The following GRAP2 variants were observed in gnomAD, a reference collection of about 807,000 sequenced individuals.
GRAP2 encodes the protein GRB2-related adapter protein 2.
In GRAP2, 31 loss-of-function variants were observed where a neutral mutation model predicts 43.5. The observed-to-expected ratio is 0.71, with a 90% CI of 0.54 to 0.96. The LOEUF is 0.96. Among genes scored for constraint, GRAP2 ranks in the 40% least tolerant of loss-of-function variants. The pLI, the probability that GRAP2 is intolerant of heterozygous loss-of-function variation, is 0.00. For synonymous variants in GRAP2, 156 were observed against 164.8 expected, an observed-to-expected ratio of 0.95 and a Z score of 0.41; for missense variants, 371 against 424.4, an observed-to-expected ratio of 0.87 and a Z score of 1.11.
At chr22:39,949,938 T>C (rs913686431) in intron 2 of GRAP2, among the ~76,000 whole-genome samples, 3 of 152,308 alleles carry the variant, frequency 2.0e-5, no homozygotes, top group African/African-American at 7.2e-5. Context: ...GATCATATCA[T>C]TTCCTTGCTC....
At chr22:39,949,128 GC>G (rs1193658651) in intron 2 of GRAP2, among the ~76,000 whole-genome samples, 1 of 152,054 alleles carries the variant, frequency 6.6e-6, no homozygotes, top group African/African-American at 2.4e-5. Context: ...AACTCAGGAT[GC>G]CGAGAATCAC....
chr22:39,926,936 TGGCTC>T, intron 1 of GRAP2: 1 of 755,908 alleles, frequency 1.3e-6, no homozygotes, highest in Non-Finnish European at 1.6e-6. Flanking sequence ...ACCCACTGCC[TGGCTC>T]CAGCCTGGAT....
upstream of GRAP2, among the ~76,000 whole-genome samples, chr22:39,899,887 G>C (rs961254256): frequency 6.6e-6 from 1 of 152,054 alleles, no homozygotes. Context: ...TTGGGAGGCT[G>C]AAGCAAGAGA....
At chr22:39,898,900 T>C (rs946483712), upstream of GRAP2, among the ~76,000 whole-genome samples, 1 of 152,192 alleles carries the variant, frequency 6.6e-6, no homozygotes, top group Non-Finnish European at 1.5e-5. Flanking sequence ...TTAAAAAAAT[T>C]TTAAACAAAG....
intron 1 of GRAP2, among the ~76,000 whole-genome samples, chr22:39,907,979 G>A (rs981801608): frequency 1.3e-5 from 2 of 152,178 alleles, no homozygotes; most frequent in African/African-American, 4.8e-5. Flanking sequence ...ACAGGATTCT[G>A]GAGATGCAGG....
intron 1 of GRAP2, among the ~76,000 whole-genome samples, chr22:39,944,010 G>A (rs1010944108): frequency 6.6e-6 from 1 of 152,082 alleles, no homozygotes; most frequent in East Asian, 1.9e-4. Flanking sequence ...TGGCCGAGGG[G>A]TCTCTCTTTT....
At chr22:39,901,397 T>C (rs1041512985) in intron 1 of GRAP2, 67 bp downstream of exon 1, 2 of 527,734 alleles carry the variant, frequency 3.8e-6, no homozygotes, top group African/African-American at 2.0e-5. Flanking sequence ...ATTTGCAGAA[T>C]GTTCTGTATG....
chr22:39,945,535 A>G (rs1031691867), intron 1 of GRAP2, among the ~76,000 whole-genome samples: 3 of 152,140 alleles, frequency 2.0e-5, no homozygotes, highest in South Asian at 2.1e-4. Flanking sequence ...CTGGTCGCTG[A>G]AAGTCTATTA....
intron 1 of GRAP2, among the ~76,000 whole-genome samples, chr22:39,940,823 G>A (rs2066861249): frequency 6.6e-6 from 1 of 152,152 alleles, no homozygotes; most frequent in African/African-American, 2.4e-5. Flanking sequence ...AAAGGTTTGA[G>A]TCTTTGAAAT....
At chr22:39,931,557 C>A (rs1055766190) in intron 1 of GRAP2, among the ~76,000 whole-genome samples, 1 of 152,152 alleles carries the variant, frequency 6.6e-6, no homozygotes, top group African/African-American at 2.4e-5. Flanking sequence ...AAATGTCAAC[C>A]TGATGACTAC....
chr22:39,926,503 A>G (rs951467472), intron 1 of GRAP2: 12 of 590,694 alleles, frequency 2.0e-5, no homozygotes, highest in Non-Finnish European at 2.3e-5. Context: ...AAAAAAAAGG[A>G]AAAGAGCAAA....
intron 4 of GRAP2, among the ~76,000 whole-genome samples, chr22:39,965,276 G>T (rs1355478830): frequency 6.6e-6 from 1 of 152,194 alleles, no homozygotes; most frequent in African/African-American, 2.4e-5. Context: ...AGGAGGCTGA[G>T]ACAGGAGAAT....
intron 6 of GRAP2, among the ~76,000 whole-genome samples, chr22:39,969,016 C>T (rs1340515610): frequency 6.6e-6 from 1 of 152,208 alleles, no homozygotes; most frequent in East Asian, 1.9e-4. Flanking sequence ...TCTGTGAAGC[C>T]TTCCTTGATT....
chr22:39,936,575 G>A (rs529417538), intron 1 of GRAP2, among the ~76,000 whole-genome samples: 4 of 152,244 alleles, frequency 2.6e-5, no homozygotes, highest in African/African-American at 9.6e-5. Context: ...AGTTATTAAT[G>A]TTTCAAGGAG....
At chr22:39,950,648 T>C (rs1852348170) in intron 2 of GRAP2, among the ~76,000 whole-genome samples, 1 of 152,242 alleles carries the variant, frequency 6.6e-6, no homozygotes, top group South Asian at 2.1e-4. Context: ...GCCCAGTACA[T>C]ATTTCTTGAA....
rs199678363 is a variant in GRAP2, at chr22:39,960,064, C to T, written c.180C>T (p.His60=). 1.1e-5 allele frequency: 18 copies of T among 1,613,470 alleles called. No individual in the cohort carries two copies. Among genetic ancestry groups the T allele is most frequent in the Admixed American group, 5.0e-5 (3 of 60,024 alleles). Residue 60 remains histidine, a synonymous_variant, in exon 4 of 8, where the codon CAC becomes CAT. Coordinates refer to ENST00000344138, the MANE Select transcript of GRAP2 (RefSeq NM_004810.4). Reference sequence around the variant, plus strand: ...GATCTCGCCCCCACAGATGGTTTCACGAAGGCCTCTCTCGACACCAGGCAG... The same window carrying T: ...GATCTCGCCCCCACAGATGGTTTCATGAAGGCCTCTCTCGACACCAGGCAG... ...FIDIQFPKWF[H]EGLSRHQAEN...
At chr22:39,970,824 G>A (rs2067233235) in intron 7 of GRAP2, 81 bp from the exon 8 acceptor site, 6 of 1,268,444 alleles carry the variant, frequency 4.7e-6, no homozygotes, top group African/African-American at 1.5e-5. Context: ...AGACTTGGAT[G>A]TGGTGGGAGG....
At chr22:39,966,299 C>T (rs2067173306) in intron 5 of GRAP2, 141 bp downstream of exon 5, 6 of 654,442 alleles carry the variant, frequency 9.2e-6, no homozygotes, top group Non-Finnish European at 1.6e-5. Flanking sequence ...GAGGTCAGAT[C>T]TCAACTTAAC....
chr22:39,907,476 G>A (rs571872292), intron 1 of GRAP2, among the ~76,000 whole-genome samples: 5 of 152,260 alleles, frequency 3.3e-5, no homozygotes, highest in Non-Finnish European at 5.9e-5. Context: ...AAGAGTTGTC[G>A]TACAGGCTCA....
Sources: gnomAD v4.1 joint callset for allele counts (sites outside exome capture counted in the v4.1 genomes callset) on GRCh38, gnomAD v4.1.1 for gene constraint, MANE v1.5 for transcripts, NCBI Gene and HGNC (gene_info 2026-07-23, HGNC 2026-07-21) for gene names.